Variants in MAN2B1 observed in about 807,000 individuals in gnomAD.
MAN2B1 encodes lysosomal alpha-mannosidase.
In MAN2B1, 99 loss-of-function variants were observed where a neutral mutation model predicts 127.5. The ratio of observed to expected loss-of-function variants is 0.78; its 90% CI spans 0.66 to 0.92. The LOEUF (loss-of-function observed/expected upper bound fraction) is 0.92, where lower values mean the gene tolerates loss of function less well. Among genes scored for constraint, MAN2B1 ranks in the 40% least tolerant of loss-of-function variants. The pLI, the probability that MAN2B1 is intolerant of heterozygous loss-of-function variation, is 0.00. For synonymous variants in MAN2B1, 573 were observed against 568.8 expected (o/e 1.01, Z -0.11); for missense variants, 1,304 against 1,384.8 (o/e 0.94, Z 0.93).
chr19:12,661,428 G>T, intron 6 of MAN2B1, 52 bp from the exon 7 acceptor site: 3 of 1,193,080 alleles, frequency 2.5e-6, no homozygotes, highest in Non-Finnish European at 2.5e-6. Flanking sequence ...CCATCCCTGT[G>T]TATAGCTGTG....
Position 12,658,457 on chromosome 19 carries a change from G to A in MAN2B1, c.1080C>T (p.Leu360=). 6 of 1,614,218 alleles carry A rather than the reference G, an allele frequency of 3.7e-6. No homozygotes were observed. The highest frequency in any genetic ancestry group is 4.2e-6 in the Non-Finnish European group (5 of 1,180,036). ...HVLYSTPACY[L]WELNKANLTW... is the part of the protein sequence containing the mutation. ...TGAGGTTGGCCTTGTTCAGCTCCCA[G>A]AGGTAACAAGCGGGGGTGGAGTAGA... The change falls in exon 8 of 24, where the codon CTC becomes CTT. Residue 360 remains leucine (L), a synonymous_variant. Coordinates refer to ENST00000456935, the MANE Select transcript of MAN2B1 (RefSeq NM_000528.4).
intron 6 of MAN2B1, among the ~76,000 whole-genome samples, chr19:12,662,189 G>A (rs968196235): frequency 2.0e-5 from 3 of 152,024 alleles, no homozygotes; most frequent in East Asian, 1.9e-4. Context: ...TAAGGAGAAC[G>A]TGTTATGCCA....
rs2023714062 is a variant in MAN2B1 at position 12,647,365 on chromosome 19, T to C, written c.2821-30A>G. ...GGGGAAGGGGATGGGCCCAGATGAG[T>C]TGGGGCAAAGCCAGGTTTCTCTTCT... On this transcript the variant is annotated intron_variant, in intron 22 of 23. Coordinates refer to ENST00000456935, the MANE Select transcript of MAN2B1 (RefSeq NM_000528.4). The surrounding 1 kb of genome is among the most constrained non-coding windows in gnomAD (Gnocchi z 4.9). The C allele has an allele frequency of 1.2e-6, 2 of 1,611,536 alleles. No individual in the cohort carries two copies. Among genetic ancestry groups the C allele is most frequent in the African/African-American group, 1.3e-5 (1 of 74,916 alleles).
rs756475764 is a variant in MAN2B1 at position 12,648,334 on chromosome 19, C to A, written c.2505G>T (p.Gly835=). 3 of 1,613,804 alleles carry A rather than the reference C, an allele frequency of 1.9e-6. No homozygotes were observed. The highest frequency in any genetic ancestry group is 2.5e-6 in the Non-Finnish European group (3 of 1,179,934). The change falls in exon 21 of 24, where the codon GGG becomes GGT. Residue 835 remains glycine (G), a synonymous_variant. Coordinates refer to ENST00000456935, the MANE Select transcript of MAN2B1 (RefSeq NM_000528.4). Reference sequence around the variant, plus strand: ...CCAGGTGGCGCCCTCGCACCCACGCCCCCGACCCGTTCTCCATTAGTGGCT... The same window carrying A: ...CCAGGTGGCGCCCTCGCACCCACGCACCCGACCCGTTCTCCATTAGTGGCT... ...VSEPLMENGS[G]AWVRGRHLVL...
chr19:12,657,634 G>T, intron 10 of MAN2B1, 79 bp from the exon 11 acceptor site: 1 of 1,258,320 alleles, frequency 7.9e-7, no homozygotes, highest in Non-Finnish European at 1.1e-6. Context: ...GTCCGGTGCT[G>T]GCGGGCAGGA....
chr19:12,656,372 A>T, intron 13 of MAN2B1, 199 bp downstream of exon 13: 1 of 538,150 alleles, frequency 1.9e-6, no homozygotes, highest in Non-Finnish European at 3.3e-6. Flanking sequence ...AAAAAAAAAA[A>T]GGGAGGACCA....
intron 14 of MAN2B1, 46 bp from the exon 15 acceptor site, chr19:12,652,506 T>C (rs1451029101): frequency 2.4e-5 from 31 of 1,305,354 alleles, no homozygotes; most frequent in Non-Finnish European, 3.2e-5. Context: ...TGTATGTGTG[T>C]GTGTTTTCTT....
chr19:12,647,045 T>C lies in MAN2B1; in HGVS notation c.2923+188A>G. On this transcript the variant is annotated intron_variant, in intron 23 of 23. Coordinates refer to ENST00000456935, the MANE Select transcript of MAN2B1 (RefSeq NM_000528.4). This position sits in a 1 kb window ranked among gnomAD's most constrained non-coding sequence, Gnocchi z 4.9. ...TGGGACTAAACAGCACCCACAAACC[T>C]CAAGACCCATTCCTGGTTTGCCGCA... The C allele has an allele frequency of 1.6e-6, 1 of 629,242 alleles. No homozygotes were observed. Among genetic ancestry groups the C allele is most frequent in the Non-Finnish European group, 2.8e-6 (1 of 354,192 alleles). 39.0% of individuals were successfully genotyped at this position (629,242 alleles called of 1,614,324 possible). A position where few individuals can be genotyped will look rare whatever the true frequency, so the allele number is the denominator to read the frequency against.
intron 16 of MAN2B1, among the ~76,000 whole-genome samples, chr19:12,650,654 G>A (rs1332544296): frequency 6.6e-6 from 1 of 150,892 alleles, no homozygotes; most frequent in African/African-American, 2.4e-5. Context: ...CACCGCGCCT[G>A]GCCCACATAA....
rs2024098396 is a variant in MAN2B1, at chr19:12,661,312, G to C, written c.974C>G (p.Ala325Gly). The change falls in exon 7 of 24, where the codon GCC becomes GGC. Residue 325 changes from alanine to glycine, a missense_variant. Transcript: ENST00000456935. ...TMGSDFQYEN[A>G]NMWFKNLDKL... ...GTCAAGGTTCTTGAACCACATGTTG[G>C]CATTCTCATATTGGAAGTCCGAGCC... 1 of 1,613,944 alleles carries C rather than the reference G, an allele frequency of 6.2e-7. No individual in the cohort carries two copies.
chr19:12,656,651 C>T lies in MAN2B1; in HGVS notation c.1564G>A (p.Val522Met), dbSNP rs1211189249. Residue 522 changes from valine to methionine, a missense_variant, in exon 13 of 24, where the codon GTG (valine) becomes ATG (methionine). Val to Met is a conservative substitution (Grantham distance 21). Transcript: ENST00000456935. ...ACCGGCAGCCGTACCATCCAATTCA[C>T]CTTCCGCCCCAGGGGATTATAAACG... The part of the protein sequence containing the change: ...VIVYNPLGRK[V>M]NWMVRLPVSE... 1 of 1,614,004 alleles carries T rather than the reference C, an allele frequency of 6.2e-7. No homozygotes were observed.
intron 7 of MAN2B1, 179 bp from the exon 8 acceptor site, chr19:12,658,689 A>G: frequency 1.6e-6 from 1 of 629,134 alleles, no homozygotes; most frequent in South Asian, 1.8e-5. Flanking sequence ...AAACATGACC[A>G]CTAGCCTTTT....
At chr19:12,650,501 GGC>G (rs2023818840) in intron 16 of MAN2B1, among the ~76,000 whole-genome samples, 2 of 151,228 alleles carry the variant, frequency 1.3e-5, no homozygotes, top group South Asian at 2.1e-4. Flanking sequence ...TGGGACTACA[GGC>G]ACCCGCCACC....
intron 20 of MAN2B1, 101 bp downstream of exon 20, chr19:12,649,035 G>A (rs2023770639): frequency 1.0e-6 from 1 of 957,356 alleles, no homozygotes; most frequent in Non-Finnish European, 1.7e-6. Flanking sequence ...TCAGCTTAGT[G>A]GGGCCTGAAA....
chr19:12,663,648 G>T, intron 5 of MAN2B1, 55 bp downstream of exon 5: 2 of 1,570,642 alleles, frequency 1.3e-6, no homozygotes, highest in South Asian at 1.1e-5. Flanking sequence ...TCAAGCCCAG[G>T]GCCCTTCTGA....
rs368951229 is a variant in MAN2B1 at position 12,647,589 on chromosome 19, G to A, written c.2674C>T (p.Leu892=). The A allele has an allele frequency of 6.2e-7, 1 of 1,613,266 alleles. No homozygotes were observed. Among genetic ancestry groups the A allele is most frequent in the Non-Finnish European group, 8.5e-7 (1 of 1,179,516 alleles). The change falls in exon 22 of 24, where the codon CTG becomes TTG. Residue 892 remains leucine, a synonymous_variant. Transcript: ENST00000456935. The surrounding 1 kb of genome is among the most constrained non-coding windows in gnomAD (Gnocchi z 4.9). ...GAPPRTQFSG[L]RRDLPPSVHL... ...ACCGAGGGCGGCAGGTCCCTGCGCA[G>A]CCCTGAGAACTGCGGGAGAGAGGGC...
At chr19:12,660,575 A>AT (rs1173855293) in intron 7 of MAN2B1, among the ~76,000 whole-genome samples, 1 of 152,146 alleles carries the variant, frequency 6.6e-6, no homozygotes. Flanking sequence ...GATTACAGAA[A>AT]CAGGGTCAGA....
intron 14 of MAN2B1, 80 bp downstream of exon 14, chr19:12,655,614 T>C (rs557827242): frequency 2.0e-4 from 286 of 1,445,082 alleles, no homozygotes; most frequent in Admixed American, 4.1e-4. Flanking sequence ...AGGGACCTGC[T>C]GACCCAGAGT....
At chr19:12,656,433 G>A (rs1036709767) in intron 13 of MAN2B1, 138 bp downstream of exon 13, 4 of 698,144 alleles carry the variant, frequency 5.7e-6, no homozygotes, top group Non-Finnish European at 1.0e-5. Context: ...AGGGGCAGAG[G>A]GAGAAGATAC....
Sources: gnomAD v4.1 joint callset for allele counts (sites outside exome capture counted in the v4.1 genomes callset) on GRCh38, gnomAD v4.1.1 for gene constraint, Gnocchi (gnomAD v3.1) non-coding constraint, MANE v1.5 for transcripts, NCBI Gene and HGNC (gene_info 2026-07-23, HGNC 2026-07-21) for gene names.